VPS53: variants seen among roughly 807,000 people sequenced by gnomAD.
The protein encoded by VPS53 is vacuolar protein sorting-associated protein 53 homolog.
In VPS53, 70 loss-of-function variants were observed where a neutral mutation model predicts 107.0. The ratio of observed to expected loss-of-function variants is 0.65; its 90% CI spans 0.54 to 0.80. VPS53 has a LOEUF of 0.80. Among genes scored for constraint, VPS53 ranks in the 30% least tolerant of loss-of-function variants. The probability of loss-of-function intolerance (pLI) is 0.00; values close to 1 mark genes in which losing one functional copy is unlikely to be tolerated. For synonymous variants in VPS53, 409 were observed against 393.3 expected (o/e 1.04, Z -0.47); for missense variants, 917 against 1,049.4 (o/e 0.87, Z 1.74).
chr17:692,962 C>T (rs930981442), intron 4 of VPS53, among the ~76,000 whole-genome samples: 4 of 151,968 alleles, frequency 2.6e-5, no homozygotes, highest in South Asian at 2.1e-4. Context: ...GGTGAAATCC[C>T]GTCTCTACTA....
At chr17:630,600 C>T (rs956817135) in intron 8 of VPS53, among the ~76,000 whole-genome samples, 2 of 152,170 alleles carry the variant, frequency 1.3e-5, no homozygotes, top group African/African-American at 4.8e-5. Context: ...AAATCAGGAG[C>T]GGGCTTCCTA....
intron 7 of VPS53, chr17:632,750 G>A (rs73975720): frequency 3.3e-4 from 151 of 456,376 alleles, no homozygotes; most frequent in African/African-American, 2.8e-3. Flanking sequence ...CCACATGAGT[G>A]AGAACATGAG....
intron 13 of VPS53, among the ~76,000 whole-genome samples, chr17:574,610 C>T (rs1317384585): frequency 2.0e-5 from 3 of 151,952 alleles, no homozygotes; most frequent in East Asian, 1.9e-4. Context: ...ACAAAAAATA[C>T]AAAAATTAGC....
At chr17:667,824 G>C (rs569987862) in intron 4 of VPS53, among the ~76,000 whole-genome samples, 2 of 152,254 alleles carry the variant, frequency 1.3e-5, no homozygotes, top group East Asian at 3.9e-4. Context: ...AAGTGAGTGA[G>C]CATGATCTTC....
chr17:538,457 G>A (rs751583519), intron 17 of VPS53: 2 of 152,216 alleles, frequency 1.3e-5, no homozygotes, highest in Non-Finnish European at 2.9e-5. Context: ...AGGCCCTGAT[G>A]TCTCTGGCAA....
At chr17:574,809 C>A (rs973753937) in intron 13 of VPS53, among the ~76,000 whole-genome samples, 2 of 152,236 alleles carry the variant, frequency 1.3e-5, no homozygotes, top group Non-Finnish European at 2.9e-5. Context: ...AACTTTTAAG[C>A]CTTTTAAAAC....
At chr17:710,479 AC>A in intron 2 of VPS53, 53 bp downstream of exon 2, 1 of 1,403,124 alleles carries the variant, frequency 7.1e-7, no homozygotes, top group South Asian at 1.2e-5. Flanking sequence ...GAAGCATAAC[AC>A]CCAAGATGTG....
intron 4 of VPS53, among the ~76,000 whole-genome samples, chr17:691,820 G>A (rs1972785877): frequency 6.6e-6 from 1 of 152,138 alleles, no homozygotes; most frequent in African/African-American, 2.4e-5. Flanking sequence ...TCATAATTGT[G>A]CTATTTTATT....
intron 2 of VPS53, among the ~76,000 whole-genome samples, chr17:704,096 T>G (rs190340227): frequency 6.6e-6 from 1 of 152,222 alleles, no homozygotes; most frequent in Admixed American, 6.5e-5. Context: ...TATGTTAGTT[T>G]TGTATTAGTT....
intron 4 of VPS53, among the ~76,000 whole-genome samples, chr17:677,161 C>A (rs946982863): frequency 6.6e-6 from 1 of 152,162 alleles, no homozygotes; most frequent in African/African-American, 2.4e-5. Context: ...ATATTCATAG[C>A]ATCACTGTTC....
chr17:681,143 G>A (rs1383163951), intron 4 of VPS53, among the ~76,000 whole-genome samples: 1 of 151,778 alleles, frequency 6.6e-6, no homozygotes, highest in African/African-American at 2.4e-5. Flanking sequence ...TTTGTTTTTT[G>A]TTTTCTGTTT....
chr17:607,358 C>T (rs1176228399), intron 11 of VPS53, among the ~76,000 whole-genome samples: 1 of 152,176 alleles, frequency 6.6e-6, no homozygotes, highest in Non-Finnish European at 1.5e-5. Flanking sequence ...CTTTCTTCCC[C>T]AGTCTACAAC....
At chr17:646,204 A>G (rs1268638284) in intron 7 of VPS53, among the ~76,000 whole-genome samples, 1 of 120,508 alleles carries the variant, frequency 8.3e-6, no homozygotes, top group Non-Finnish European at 1.8e-5. Flanking sequence ...TCCCACACAC[A>G]TCTCCGTGAC....
At chr17:624,641 G>A (rs895594960) in intron 10 of VPS53, among the ~76,000 whole-genome samples, 7 of 152,290 alleles carry the variant, frequency 4.6e-5, no homozygotes, top group Non-Finnish European at 8.8e-5. Flanking sequence ...GCCATTAGCC[G>A]AGACAACAAT....
intron 2 of VPS53, among the ~76,000 whole-genome samples, chr17:708,150 A>G (rs1973489926): frequency 6.6e-6 from 1 of 152,214 alleles, no homozygotes; most frequent in Non-Finnish European, 1.5e-5. Context: ...GTAGTAGGAA[A>G]GACAGCTGGG....
chr17:706,523 G>A (rs1466845276), intron 2 of VPS53, among the ~76,000 whole-genome samples: 5 of 144,370 alleles, frequency 3.5e-5, no homozygotes, highest in African/African-American at 1.0e-4. Context: ...GCAACAGAGT[G>A]AGACTCAGTC....
chr17:558,612 T>A (rs1354585309), intron 15 of VPS53, among the ~76,000 whole-genome samples: 4 of 144,352 alleles, frequency 2.8e-5, no homozygotes, highest in South Asian at 2.2e-4. Context: ...CCAGCCTGGG[T>A]GACAGAGAGA....
In VPS53 at chr17:662,329, C is replaced by T. The variant is rs180858086; in HGVS notation, c.286-434G>A. The stretch of plus-strand genomic sequence containing the variant: ...AAAACCTGAACCGTGAATGGGGACT[C>T]CAGAACTGCAACAAATCTTAAAGAC... On this transcript the variant is annotated intron_variant, in intron 4 of 21. Coordinates refer to ENST00000437048, the MANE Select transcript of VPS53 (RefSeq NM_001128159.3). Among the ~76,000 whole-genome samples the T allele has an allele frequency of 1.7e-3, 259 of 152,228 alleles. 3 individuals are homozygous for T. Among genetic ancestry groups the T allele is most frequent in the South Asian group, 9.1e-3 (44 of 4,816 alleles).
In VPS53 at chr17:680,781, C is replaced by T. The variant is rs764758977; in HGVS notation, c.285+16637G>A. Among the ~76,000 whole-genome samples the T allele has an allele frequency of 3.4e-4, 51 of 152,204 alleles. 1 individual carries two copies. Among genetic ancestry groups the T allele is most frequent in the Middle Eastern group, 6.3e-3 (2 of 316 alleles). On this transcript the variant is annotated intron_variant, in intron 4 of 21. Coordinates refer to ENST00000437048, the MANE Select transcript of VPS53 (RefSeq NM_001128159.3). ...ACAGAAGGCACTCACTAAATATGTA[C>T]TGAGTGAGCAAATGAACAGATACAC... is the stretch of plus-strand genomic sequence containing the variant.
Sources: gnomAD v4.1 joint callset for allele counts (sites outside exome capture counted in the v4.1 genomes callset) on GRCh38, gnomAD v4.1.1 for gene constraint, MANE v1.5 for transcripts, NCBI Gene and HGNC (gene_info 2026-07-23, HGNC 2026-07-21) for gene names.